Variants in INTS10 observed in about 807,000 individuals in gnomAD.
INTS10 encodes chromosome 8 open reading frame 35.
Under a neutral mutation model 94.4 loss-of-function variants are expected in INTS10, and 44 were observed. The ratio of observed to expected loss-of-function variants is 0.47; its 90% confidence interval spans 0.37 to 0.60. INTS10 has a LOEUF of 0.60. INTS10 is among the 20% of genes least tolerant of loss of function. The pLI is 0.00. For synonymous variants in INTS10, 341 were observed against 320.7 expected (o/e 1.06, Z -0.68); for missense variants, 797 against 868.7 (o/e 0.92, Z 1.04).
chr8:19,843,992 T>C lies in INTS10; in HGVS notation c.1720-84T>C. On this transcript the variant is annotated intron_variant, in intron 14 of 16. Coordinates refer to ENST00000397977, the MANE Select transcript of INTS10 (RefSeq NM_018142.4). The surrounding 1 kb of genome is among the most constrained non-coding windows in gnomAD (Gnocchi z 4.7). Reference sequence around the variant, plus strand: ...ATCACACATTTGCATATACAGCATATTTTTGGAAAGTGATGTTTGCTGTAT... The same window carrying C: ...ATCACACATTTGCATATACAGCATACTTTTGGAAAGTGATGTTTGCTGTAT... 2 of 1,103,860 alleles carry C rather than the reference T, an allele frequency of 1.8e-6. No individual in the cohort carries two copies. The highest frequency in any genetic ancestry group is 4.8e-5 in the East Asian group (2 of 41,934). The allele number at this position is 1,103,860 out of a possible 1,614,324, so 68.4% of individuals were successfully genotyped here.
In INTS10 at chr8:19,818,136, T is replaced by C. The variant is rs949892113; in HGVS notation, c.130-139T>C. Reference sequence around the variant, plus strand: ...TCTAAGCCCAATGGCAAGTCTGCCATGTATGTGGCGCTGTGTCACCAGGCG... The same window carrying C: ...TCTAAGCCCAATGGCAAGTCTGCCACGTATGTGGCGCTGTGTCACCAGGCG... On this transcript the variant is annotated intron_variant, in intron 1 of 16. Coordinates refer to ENST00000397977, the MANE Select transcript of INTS10 (RefSeq NM_018142.4). The C allele has an allele frequency of 1.2e-5, 10 of 804,028 alleles. No individual in the cohort carries two copies. The African/African-American group carries it at 1.5e-4, about 12-fold the overall frequency. The allele number at this position is 804,028 out of a possible 1,614,324, so 49.8% of individuals were successfully genotyped here. A position where few individuals can be genotyped will look rare whatever the true frequency, so the allele number is the denominator to read the frequency against.
At chr8:19,820,574 A>C (rs575209348) in intron 4 of INTS10, 56 bp downstream of exon 4, 1 of 1,482,526 alleles carries the variant, frequency 6.7e-7, no homozygotes, top group East Asian at 2.3e-5. Flanking sequence ...TCATCAACAG[A>C]TTCATCGGTA....
intron 2 of INTS10, chr8:19,818,875 T>A (rs2128750006): frequency 6.5e-6 from 1 of 152,792 alleles, no homozygotes. Context: ...TCGTAGACAC[T>A]CTCTTCTTGG....
chr8:19,818,618 C>T, intron 2 of INTS10: 2 of 453,418 alleles, frequency 4.4e-6, no homozygotes, highest in South Asian at 2.4e-5. Flanking sequence ...AATTCAAACA[C>T]TACTTGTTAT....
intron 16 of INTS10, among the ~76,000 whole-genome samples, chr8:19,847,578 T>G (rs1215505950): frequency 6.6e-6 from 1 of 152,214 alleles, no homozygotes; most frequent in Non-Finnish European, 1.5e-5. Context: ...CCGAAGTCTG[T>G]GTACATAGGA....
intron 4 of INTS10, chr8:19,821,050 G>C (rs867949484): frequency 6.6e-6 from 1 of 152,304 alleles, no homozygotes; most frequent in African/African-American, 2.4e-5. Context: ...ACTTCCCATA[G>C]CCAGTGAGGT....
At chr8:19,837,474 A>G (rs904845671) in intron 13 of INTS10, 3 of 220,496 alleles carry the variant, frequency 1.4e-5, no homozygotes, top group African/African-American at 4.5e-5. Flanking sequence ...CTCTGATTTC[A>G]TGAGCAGCTG....
intron 9 of INTS10, among the ~76,000 whole-genome samples, chr8:19,829,227 T>A (rs1271081609): frequency 1.3e-5 from 2 of 152,248 alleles, no homozygotes; most frequent in Non-Finnish European, 2.9e-5. Flanking sequence ...CACATATTTT[T>A]AAATGATCTT....
chr8:19,823,791 G>T, intron 6 of INTS10, 82 bp from the exon 7 acceptor site: 3 of 1,226,872 alleles, frequency 2.4e-6, no homozygotes, highest in East Asian at 2.4e-5. Context: ...ATTTTCATGG[G>T]GAGTCAGACT....
chr8:19,831,306 G>C (rs923086275), intron 10 of INTS10, among the ~76,000 whole-genome samples: 1 of 152,064 alleles, frequency 6.6e-6, no homozygotes, highest in African/African-American at 2.4e-5. Context: ...ATTTTGGAGG[G>C]GATCTTTCCT....
intron 9 of INTS10, among the ~76,000 whole-genome samples, chr8:19,829,960 G>A (rs954377331): frequency 2.6e-5 from 4 of 152,114 alleles, no homozygotes; most frequent in African/African-American, 7.2e-5. Flanking sequence ...AAGCTGCCAC[G>A]CCCGGCCCCA....
chr8:19,832,982 A>G (rs1345056665), intron 11 of INTS10, among the ~76,000 whole-genome samples, 187 bp from the exon 12 acceptor site: 1 of 152,142 alleles, frequency 6.6e-6, no homozygotes, highest in Non-Finnish European at 1.5e-5. Context: ...AAGAACTCCC[A>G]CCTGGCTTTA....
chr8:19,825,057 G>T, intron 8 of INTS10, 85 bp downstream of exon 8: 1 of 1,148,534 alleles, frequency 8.7e-7, no homozygotes, highest in Non-Finnish European at 1.3e-6. Context: ...ATCCAGTATT[G>T]CTGGATCCGA....
At position 19,818,336 on chromosome 8, in the gene INTS10, A is replaced by G; in HGVS notation, c.191A>G (p.Tyr64Cys). 6.2e-7 allele frequency: 1 copy of G among 1,614,164 alleles called. No individual in the cohort carries two copies. Among genetic ancestry groups the G allele is most frequent in the Non-Finnish European group, 8.5e-7 (1 of 1,180,002 alleles). ...ERTATAGRLL[Y>C]DMFVNFPDQP... ...ACCGCCACCGCCGGGAGGCTGCTGT[A>G]CGACATGTGAGTGGGACGCTTGACA... The change falls in exon 2 of 17, where the codon TAC becomes TGC. Residue 64 changes from tyrosine to cysteine, a missense_variant. Physicochemically the swap from Tyr to Cys is radical, Grantham distance 194 (BLOSUM62 -2). Coordinates refer to ENST00000397977, the MANE Select transcript of INTS10 (RefSeq NM_018142.4).
chr8:19,830,521 G>A lies in INTS10; in HGVS notation c.1256G>A (p.Ser419Asn). The A allele has an allele frequency of 1.9e-6, 3 of 1,614,126 alleles. No individual in the cohort carries two copies. Among genetic ancestry groups the A allele is most frequent in the Non-Finnish European group, 2.5e-6 (3 of 1,179,968 alleles). The part of the protein sequence containing the change: ...VLESFKLARE[S>N]WELLYSLEFL... ...GAAAGCTTTAAATTGGCCAGGGAGA[G>A]CTGGGAGTTGCTCTATTCCCTAGAA... Residue 419 changes from serine (S) to asparagine (N), a missense_variant, in exon 10 of 17, where the codon AGC becomes AAC. Ser to Asn is a conservative substitution (Grantham distance 46). Around this residue, in one of 3 missense-constraint regions of INTS10, gnomAD observed 734 missense variants for 787.8 expected, o/e 0.93. Transcript: ENST00000397977.
intron 9 of INTS10, among the ~76,000 whole-genome samples, chr8:19,827,957 A>G (rs1589960289): frequency 6.6e-6 from 1 of 152,096 alleles, no homozygotes; most frequent in African/African-American, 2.4e-5. Flanking sequence ...CATGCCTGTA[A>G]TCCCAGCACT....
chr8:19,820,260 T>G, intron 3 of INTS10, 119 bp from the exon 4 acceptor site: 1 of 908,202 alleles, frequency 1.1e-6, no homozygotes, highest in Non-Finnish European at 1.6e-6. Context: ...GAAACTTAAC[T>G]GCATTGATTT....
rs550997349 is a variant in INTS10, at chr8:19,843,466, T to C, written c.1719+539T>C. Among the ~76,000 whole-genome samples the C allele has an allele frequency of 3.9e-5, 6 of 152,328 alleles. No homozygotes were observed. The highest frequency in any genetic ancestry group is 8.8e-5 in the Non-Finnish European group (6 of 68,036). Reference sequence around the variant, plus strand: ...GGTTTGTTGGCCAGAGAGTAAAACATTGGGTCTCCACTTCAGTGCAGTAAC... The same window carrying C: ...GGTTTGTTGGCCAGAGAGTAAAACACTGGGTCTCCACTTCAGTGCAGTAAC... On this transcript the variant is annotated intron_variant, in intron 14 of 16. Coordinates refer to ENST00000397977, the MANE Select transcript of INTS10 (RefSeq NM_018142.4). The surrounding 1 kb of genome is among the most constrained non-coding windows in gnomAD (Gnocchi z 4.7).
In INTS10 at chr8:19,828,921, A is replaced by G. The variant is rs1589966891; in HGVS notation, c.1141-1485A>G. Among the ~76,000 whole-genome samples, 3 of 152,122 alleles carry G rather than the reference A, an allele frequency of 2.0e-5. No individual in the cohort carries two copies. The East Asian group carries it at 5.8e-4, about 29-fold the overall frequency. ...AATGCAAAAACATTACTTAGGGAGG[A>G]TAAGAACATGCAGCAGAACAGTGGG... On this transcript the variant is annotated intron_variant, in intron 9 of 16. Transcript: ENST00000397977.
Sources: gnomAD v4.1 joint callset for allele counts (sites outside exome capture counted in the v4.1 genomes callset) on GRCh38, gnomAD v4.1.1 for gene constraint, gnomAD v4.1.1 regional missense constraint, Gnocchi (gnomAD v3.1) non-coding constraint, MANE v1.5 for transcripts, NCBI Gene and HGNC (gene_info 2026-07-23, HGNC 2026-07-21) for gene names.